PLXDC2: variants seen among roughly 807,000 people sequenced by gnomAD.
The protein encoded by PLXDC2 is plexin domain-containing protein 2.
PLXDC2 carries 40 observed loss-of-function variants against 68.9 expected under a neutral mutation model. That is an observed-to-expected ratio of 0.58 (90% CI 0.45 to 0.76). PLXDC2 has a LOEUF of 0.76. Among genes scored for constraint, PLXDC2 ranks in the 30% least tolerant of loss-of-function variants. PLXDC2 has a pLI of 0.00. For missense variants in PLXDC2, 644 were observed against 661.9 expected (o/e 0.97, Z 0.30); for synonymous variants, 243 against 234.2 (o/e 1.04, Z -0.34).
At chr10:20,106,746 G>T (rs940951453) in intron 4 of PLXDC2, among the ~76,000 whole-genome samples, 1 of 151,832 alleles carries the variant, frequency 6.6e-6, no homozygotes, top group Non-Finnish European at 1.5e-5. Context: ...CGGCCTTTCA[G>T]AACACTCACC....
chr10:20,179,311 G>C (rs1834570882), intron 9 of PLXDC2, among the ~76,000 whole-genome samples: 1 of 152,044 alleles, frequency 6.6e-6, no homozygotes, highest in Non-Finnish European at 1.5e-5. Context: ...TAGGCTCTAA[G>C]TTTATTAAAG....
At chr10:19,844,741 G>A (rs375357923) in intron 1 of PLXDC2, among the ~76,000 whole-genome samples, 42 of 151,924 alleles carry the variant, frequency 2.8e-4, no homozygotes, top group African/African-American at 5.5e-4. Flanking sequence ...GACTACAGGC[G>A]CGCATCACTA....
chr10:19,994,916 G>A (rs967025264), intron 1 of PLXDC2, among the ~76,000 whole-genome samples: 1 of 151,818 alleles, frequency 6.6e-6, no homozygotes, highest in Non-Finnish European at 1.5e-5. Context: ...CTAATTTTTT[G>A]TATTTTTAGT....
chr10:19,907,150 G>A (rs562405502), intron 1 of PLXDC2, among the ~76,000 whole-genome samples: 1 of 152,160 alleles, frequency 6.6e-6, no homozygotes, highest in South Asian at 2.1e-4. Flanking sequence ...TTGATTTTCA[G>A]GAAGTAGAAT....
chr10:20,263,028 T>C (rs1443755770), intron 13 of PLXDC2, among the ~76,000 whole-genome samples: 1 of 152,198 alleles, frequency 6.6e-6, no homozygotes, highest in Admixed American at 6.5e-5. Context: ...AGACCCTAAG[T>C]ACCTTATTCA....
At chr10:20,014,979 G>A (rs925182399) in intron 2 of PLXDC2, among the ~76,000 whole-genome samples, 2 of 151,870 alleles carry the variant, frequency 1.3e-5, no homozygotes, top group African/African-American at 4.8e-5. Context: ...ATTTTCTATT[G>A]ACTTTTTAAA....
At chr10:19,995,225 T>C (rs1319436535) in intron 1 of PLXDC2, among the ~76,000 whole-genome samples, 1 of 152,176 alleles carries the variant, frequency 6.6e-6, no homozygotes, top group Non-Finnish European at 1.5e-5. Flanking sequence ...ACTCATCATA[T>C]AGTCATGCTC....
intron 9 of PLXDC2, among the ~76,000 whole-genome samples, chr10:20,195,964 G>A (rs1834831914): frequency 6.6e-6 from 1 of 152,068 alleles, no homozygotes; most frequent in African/African-American, 2.4e-5. Flanking sequence ...CAAAGTAAAA[G>A]TTACAGCTCT....
intron 4 of PLXDC2, among the ~76,000 whole-genome samples, chr10:20,083,801 C>T (rs966668031): frequency 6.6e-6 from 1 of 152,022 alleles, no homozygotes; most frequent in African/African-American, 2.4e-5. Context: ...CATTCTAAAA[C>T]AAGGGACCCA....
At chr10:19,984,475 C>T (rs1834603122) in intron 1 of PLXDC2, among the ~76,000 whole-genome samples, 1 of 152,186 alleles carries the variant, frequency 6.6e-6, no homozygotes, top group Non-Finnish European at 1.5e-5. Flanking sequence ...GAAAATTTGT[C>T]TCAGAGCATT....
At chr10:20,013,217 GTCTA>G (rs1303179394) in intron 2 of PLXDC2, among the ~76,000 whole-genome samples, 1 of 152,050 alleles carries the variant, frequency 6.6e-6, no homozygotes. Flanking sequence ...CCTACATAGC[GTCTA>G]TCTCTTTTAT....
intron 4 of PLXDC2, among the ~76,000 whole-genome samples, chr10:20,122,877 A>G (rs1227502379): frequency 1.3e-5 from 2 of 152,194 alleles, no homozygotes; most frequent in Non-Finnish European, 2.9e-5. Context: ...CATTTTGAGA[A>G]TAAGACGGCC....
At chr10:20,206,960 C>A (rs1212587044) in intron 9 of PLXDC2, among the ~76,000 whole-genome samples, 1 of 152,036 alleles carries the variant, frequency 6.6e-6, no homozygotes, top group Non-Finnish European at 1.5e-5. Context: ...GAAATAATAT[C>A]AAGGTGTCTT....
chr10:19,836,768 C>T (rs1225559896), intron 1 of PLXDC2, among the ~76,000 whole-genome samples: 2 of 152,184 alleles, frequency 1.3e-5, no homozygotes, highest in Non-Finnish European at 2.9e-5. Flanking sequence ...AAAGGCAATC[C>T]TGACTCCATT....
chr10:19,818,994 C>A (rs538402189), intron 1 of PLXDC2, among the ~76,000 whole-genome samples: 1 of 151,102 alleles, frequency 6.6e-6, no homozygotes, highest in South Asian at 2.1e-4. Flanking sequence ...TTTTATAAAC[C>A]TGTTCCAGTA....
chr10:19,937,995 C>T (rs1295325528), intron 1 of PLXDC2, among the ~76,000 whole-genome samples: 1 of 152,002 alleles, frequency 6.6e-6, no homozygotes, highest in Non-Finnish European at 1.5e-5. Flanking sequence ...TTCCTTCAGC[C>T]CTGGATGCTT....
In PLXDC2 at chr10:20,119,325, G is replaced by A. The variant is rs535775778; in HGVS notation, c.542-23970G>A. ...AGAGTCAGCGAAGGGAGATAGGGGT[G>A]GGGCCGTTTTATAAGATTTGGGTAG... On this transcript the variant is annotated intron_variant, in intron 4 of 13. Coordinates refer to ENST00000377252, the MANE Select transcript of PLXDC2 (RefSeq NM_032812.9). 3.3e-5 allele frequency among the ~76,000 whole-genome samples: 5 copies of A among 152,134 alleles called. No individual in the cohort carries two copies. In the East Asian group the frequency reaches 5.8e-4, roughly 18 times the overall value.
In PLXDC2 at chr10:19,853,374, CTTCT is replaced by C. The variant is rs1424582630; in HGVS notation, c.112+36184_112+36187del. ...CCACTTTGCTATAACAAATTTCTTCCTTCTGTTTCTCCTCCTTTATTTTTATTTT... is the reference window on the plus strand; with the variant it reads ...CCACTTTGCTATAACAAATTTCTTCCGTTTCTCCTCCTTTATTTTTATTTT... On this transcript the variant is annotated intron_variant, in intron 1 of 13. Transcript: ENST00000377252. Among the ~76,000 whole-genome samples the C allele has an allele frequency of 5.3e-5, 8 of 151,770 alleles. No individual in the cohort carries two copies. The South Asian group carries it at 1.3e-3, about 24-fold the overall frequency.
intron 2 of PLXDC2, among the ~76,000 whole-genome samples, chr10:20,013,221 A>C (rs1041903045): frequency 2.6e-5 from 4 of 152,166 alleles, no homozygotes; most frequent in Non-Finnish European, 4.4e-5. Context: ...CATAGCGTCT[A>C]TCTCTTTTAT....
Sources: allele counts gnomAD v4.1 joint callset (sites outside exome capture counted in the v4.1 genomes callset), GRCh38; gene constraint gnomAD v4.1.1; transcripts MANE v1.5; gene names NCBI Gene and HGNC (gene_info 2026-07-23, HGNC 2026-07-21).